ADAM29: variants seen among roughly 807,000 people sequenced by gnomAD.
The protein encoded by ADAM29 is disintegrin and metalloproteinase domain-containing protein 29.
For synonymous variants in ADAM29, 367 were observed against 342.3 expected (o/e 1.07, Z -0.80); for missense variants, 969 against 1,001.8 (o/e 0.97, Z 0.44).
At chr4:174,944,881 A>G (rs1159500441) in intron 4 of ADAM29, among the ~76,000 whole-genome samples, 1 of 152,190 alleles carries the variant, frequency 6.6e-6, no homozygotes. Flanking sequence ...TAATGGCTGC[A>G]TAGTATTCCA....
chr4:174,934,515 A>G (rs1744092734), intron 3 of ADAM29, among the ~76,000 whole-genome samples: 1 of 152,008 alleles, frequency 6.6e-6, no homozygotes, highest in South Asian at 2.1e-4. Flanking sequence ...TCTAGTGTCA[A>G]TTGCAATCAT....
chr4:174,942,373 A>G (rs1328727618), intron 4 of ADAM29, among the ~76,000 whole-genome samples: 7 of 152,216 alleles, frequency 4.6e-5, no homozygotes, highest in African/African-American at 1.7e-4. Flanking sequence ...TCACTCCTGC[A>G]GCAGACTTCT....
At position 174,975,475 on chromosome 4, in the gene ADAM29, G is replaced by T; in HGVS notation, c.-51G>T. 6 of 1,486,596 alleles carry T rather than the reference G, an allele frequency of 4.0e-6. No homozygotes were observed. Among genetic ancestry groups the T allele is most frequent in the Non-Finnish European group, 5.4e-6 (6 of 1,117,822 alleles). 92.1% of individuals were successfully genotyped at this position (1,486,596 alleles called of 1,614,324 possible). On this transcript the variant is annotated 5_prime_UTR_variant, in exon 5 of 5. Coordinates refer to ENST00000359240, the MANE Select transcript of ADAM29 (RefSeq NM_014269.4). ...GCCCTGACTTCTGCTCTGGACCAGT[G>T]TTTCCATAACAGGGACTTCAAAATC...
chr4:174,975,729 G>T lies in ADAM29; in HGVS notation c.204G>T (p.Lys68Asn). Residue 68 changes from lysine (K) to asparagine (N), a missense_variant, in exon 5 of 5, where the codon AAG becomes AAT. Lys to Asn is a moderately conservative substitution (Grantham distance 94). Transcript: ENST00000359240. ...GCCAGAAACACATTATCCACATAAA[G>T]GTCAAGAAGCTTTTGTTTTCCAAAC... ...FGGQKHIIHI[K>N]VKKLLFSKHL... is the part of the protein sequence containing the mutation. The T allele has an allele frequency of 6.2e-7, 1 of 1,612,460 alleles. No individual in the cohort carries two copies. The highest frequency in any genetic ancestry group is 1.1e-5 in the South Asian group (1 of 90,812).
At chr4:174,956,962 T>C (rs1411547080) in intron 4 of ADAM29, among the ~76,000 whole-genome samples, 1 of 151,940 alleles carries the variant, frequency 6.6e-6, no homozygotes, top group Non-Finnish European at 1.5e-5. Context: ...TATGAAAGAC[T>C]GATCCACTTT....
intron 4 of ADAM29, among the ~76,000 whole-genome samples, chr4:174,973,923 A>C (rs983709189): frequency 3.0e-4 from 46 of 152,288 alleles, no homozygotes; most frequent in African/African-American, 1.1e-3. Flanking sequence ...TTCAGGCTGC[A>C]TTTCACTGGC....
chr4:174,937,921 G>A (rs1408724573), intron 4 of ADAM29, among the ~76,000 whole-genome samples: 2 of 152,014 alleles, frequency 1.3e-5, no homozygotes, highest in African/African-American at 2.4e-5. Context: ...ACAGGTTAGG[G>A]CAAGTTTTTC....
chr4:174,937,705 T>G (rs1189353180), intron 4 of ADAM29, among the ~76,000 whole-genome samples: 1 of 151,994 alleles, frequency 6.6e-6, no homozygotes, highest in Non-Finnish European at 1.5e-5. Context: ...AATTTCAGAG[T>G]ATTTTTTTGT....
chr4:174,926,345 A>G (rs1466445839), intron 2 of ADAM29, among the ~76,000 whole-genome samples: 1 of 152,124 alleles, frequency 6.6e-6, no homozygotes, highest in African/African-American at 2.4e-5. Context: ...AACTTCTCCT[A>G]GTTGTCAATA....
chr4:174,956,660 G>GT (rs1055152734), intron 4 of ADAM29, among the ~76,000 whole-genome samples: 5 of 151,748 alleles, frequency 3.3e-5, no homozygotes, highest in African/African-American at 9.7e-5. Context: ...GAAAACACTT[G>GT]TTTTTTCTGG....
In ADAM29 at chr4:174,975,435, C is replaced by T; in HGVS notation, c.-91C>T. 1 of 1,306,610 alleles carries T rather than the reference C, an allele frequency of 7.7e-7. No homozygotes were observed. The allele number at this position is 1,306,610 out of a possible 1,614,324, so 80.9% of individuals were successfully genotyped here. On this transcript the variant is annotated 5_prime_UTR_variant, in exon 5 of 5. Coordinates refer to ENST00000359240, the MANE Select transcript of ADAM29 (RefSeq NM_014269.4). ...GACCAACTCAGAAGAAGGAGCCACA[C>T]CACCTGTGACTCCAGCCCTGACTTC...
chr4:174,973,572 T>A (rs1746587052), intron 4 of ADAM29, among the ~76,000 whole-genome samples: 1 of 152,250 alleles, frequency 6.6e-6, no homozygotes, highest in Non-Finnish European at 1.5e-5. Flanking sequence ...AGATGCTTGA[T>A]CCTATTTAAA....
intron 2 of ADAM29, among the ~76,000 whole-genome samples, chr4:174,921,971 A>G (rs2110889879): frequency 6.6e-6 from 1 of 152,332 alleles, no homozygotes; most frequent in East Asian, 1.9e-4. Flanking sequence ...TATAACAATT[A>G]ATTTAAAGTT....
intron 2 of ADAM29, among the ~76,000 whole-genome samples, chr4:174,923,460 A>T (rs1483701268): frequency 2.1e-5 from 3 of 146,016 alleles, no homozygotes; most frequent in Non-Finnish European, 4.5e-5. Flanking sequence ...TCTTCAGATC[A>T]ATGTCTCCTC....
chr4:174,942,546 C>T (rs1744599282), intron 4 of ADAM29, among the ~76,000 whole-genome samples: 1 of 151,738 alleles, frequency 6.6e-6, no homozygotes, highest in African/African-American at 2.4e-5. Context: ...GTATCTTGAC[C>T]CCTTTTAGCC....
Position 174,976,572 on chromosome 4 carries a change from T to C in ADAM29, c.1047T>C (p.Cys349=), listed in dbSNP as rs751646864. 11 of 1,601,278 alleles carry C rather than the reference T, an allele frequency of 6.9e-6. No individual in the cohort carries two copies. In the South Asian group the frequency reaches 1.1e-4, roughly 16 times the overall value. Residue 349 remains cysteine (C), a synonymous_variant, in exon 5 of 5, where the codon TGT becomes TGC. Transcript: ENST00000359240. ...GMNHDEDTCR[C]SQPRCIMHEG... is the part of the protein sequence containing the mutation. ...ACCATGATGAGGATACATGTCGTTG[T>C]TCACAACCTAGATGCATAATGCATG...
chr4:174,961,381 A>C (rs1230095796), intron 4 of ADAM29, among the ~76,000 whole-genome samples: 2 of 151,732 alleles, frequency 1.3e-5, no homozygotes, highest in Admixed American at 6.6e-5. Context: ...ACCTTTAGAC[A>C]GTGAAACTTT....
Position 174,976,702 on chromosome 4 carries a change from G to A in ADAM29, c.1177G>A (p.Asp393Asn). The A allele has an allele frequency of 6.2e-7, 1 of 1,614,008 alleles. No homozygotes were observed. The highest frequency in any genetic ancestry group is 8.5e-7 in the Non-Finnish European group (1 of 1,179,934). Residue 393 changes from aspartate to asparagine, a missense_variant, in exon 5 of 5, where the codon GAC becomes AAC. Asp to Asn is a conservative substitution (Grantham distance 23). Transcript: ENST00000359240. ...TTTGCTTGAAACAGTACACACAAAG[G>A]ACATCTTTAATGTGAAGCGCTGTGG... ...KCLLETVHTK[D>N]IFNVKRCGNG... is the part of the protein sequence containing the mutation.
chr4:174,928,311 T>C (rs1579008444), intron 2 of ADAM29, among the ~76,000 whole-genome samples: 1 of 152,102 alleles, frequency 6.6e-6, no homozygotes, highest in East Asian at 1.9e-4. Flanking sequence ...GAGATGGGTG[T>C]GCAGGTGTCT....
Sources: allele counts gnomAD v4.1 joint callset (sites outside exome capture counted in the v4.1 genomes callset), GRCh38; gene constraint gnomAD v4.1.1; transcripts MANE v1.5; gene names NCBI Gene and HGNC (gene_info 2026-07-23, HGNC 2026-07-21).